The following TEX36 variants were observed in gnomAD, a reference collection of about 807,000 sequenced individuals.
TEX36 encodes the protein testis expressed 36.
A neutral mutation model predicts 13.6 loss-of-function variants in TEX36; 12 were observed. That is an observed-to-expected ratio of 0.88 (90% CI 0.56 to 1.43). TEX36 has a LOEUF of 1.43. TEX36 is among the 40% of genes most tolerant of loss of function. The pLI is 0.00. For missense variants in TEX36, 224 were observed against 228.3 expected (o/e 0.98, Z 0.12); for synonymous variants, 93 against 83.0 (o/e 1.12, Z -0.65).
At chr10:125,676,064 G>A (rs1847305899) in intron 1 of TEX36, among the ~76,000 whole-genome samples, 1 of 152,158 alleles carries the variant, frequency 6.6e-6, no homozygotes, top group African/African-American at 2.4e-5. Flanking sequence ...TGTTCCATAG[G>A]CTGATGAAAA....
chr10:125,590,734 G>C (rs1323299596), intron 3 of TEX36, among the ~76,000 whole-genome samples: 1 of 152,138 alleles, frequency 6.6e-6, no homozygotes, highest in Admixed American at 6.6e-5. Flanking sequence ...GCTATAATGA[G>C]AATAATATTG....
At chr10:125,656,515 C>T (rs2133590866) in intron 3 of TEX36, among the ~76,000 whole-genome samples, 1 of 152,132 alleles carries the variant, frequency 6.6e-6, no homozygotes, top group African/African-American at 2.4e-5. Context: ...GCCTCAGCCT[C>T]CCAAAGCGCT....
intron 1 of TEX36, among the ~76,000 whole-genome samples, chr10:125,679,605 T>A (rs1847364621): frequency 6.6e-6 from 1 of 152,156 alleles, no homozygotes; most frequent in Non-Finnish European, 1.5e-5. Flanking sequence ...ACTTACTCAC[T>A]TACCCTTTCC....
intron 3 of TEX36, among the ~76,000 whole-genome samples, chr10:125,637,639 C>T (rs1454116219): frequency 6.6e-6 from 1 of 152,042 alleles, no homozygotes; most frequent in African/African-American, 2.4e-5. Context: ...CTGGCTGACC[C>T]TAGAATCACT....
At chr10:125,640,442 C>A (rs1166868825) in intron 3 of TEX36, among the ~76,000 whole-genome samples, 1 of 152,086 alleles carries the variant, frequency 6.6e-6, no homozygotes, top group Non-Finnish European at 1.5e-5. Context: ...TTATTCATTC[C>A]ATTTATTCAG....
At chr10:125,587,923 T>C (rs539758719) in intron 3 of TEX36, among the ~76,000 whole-genome samples, 1 of 152,326 alleles carries the variant, frequency 6.6e-6, no homozygotes, top group African/African-American at 2.4e-5. Context: ...TTTTGCAATG[T>C]ATCTTGGAGA....
intron 1 of TEX36, among the ~76,000 whole-genome samples, chr10:125,680,034 T>C (rs1279110091): frequency 6.6e-6 from 1 of 152,264 alleles, no homozygotes; most frequent in African/African-American, 2.4e-5. Context: ...CACCTTGCTT[T>C]CCTCTCTTAA....
At chr10:125,603,509 A>C (rs1011341169) in intron 3 of TEX36, among the ~76,000 whole-genome samples, 1 of 152,048 alleles carries the variant, frequency 6.6e-6, no homozygotes. Context: ...GAACTTGTTG[A>C]CGAACCTTAT....
rs185050780 is a variant in TEX36, at chr10:125,603,492, C to T, written c.265-26618G>A. ...AGTGCTTCTCTTCTCTAACCCAGCC[C>T]CCAGGAGAACTTGTTGACGAACCTT... On this transcript the variant is annotated intron_variant, in intron 3 of 3. Transcript: ENST00000532135. 1.4e-3 allele frequency among the ~76,000 whole-genome samples: 216 copies of T among 152,228 alleles called. 3 individuals carry two copies. The highest frequency in any genetic ancestry group is 0.011 in the Admixed American group (166 of 15,286).
At chr10:125,607,936 A>C (rs528185521) in intron 3 of TEX36, among the ~76,000 whole-genome samples, 1 of 152,324 alleles carries the variant, frequency 6.6e-6, no homozygotes, top group South Asian at 2.1e-4. Context: ...TCGAGTCTCC[A>C]GAGCCAGCAG....
At chr10:125,603,712 A>C (rs942537553) in intron 3 of TEX36, among the ~76,000 whole-genome samples, 9 of 152,184 alleles carry the variant, frequency 5.9e-5, no homozygotes, top group Non-Finnish European at 1.3e-4. Context: ...TCAAAAGGAC[A>C]ACGTATCCAC....
intron 3 of TEX36, among the ~76,000 whole-genome samples, chr10:125,608,938 C>T (rs1223125065): frequency 7.2e-6 from 1 of 139,704 alleles, no homozygotes; most frequent in Non-Finnish European, 1.5e-5. Context: ...AGTTTGAGAC[C>T]AGCCTGGCCA....
At position 125,678,787 on chromosome 10, in the gene TEX36, G is replaced by A. The variant is rs564155608; in HGVS notation, c.51+4152C>T. Among the ~76,000 whole-genome samples the A allele has an allele frequency of 3.3e-5, 5 of 152,242 alleles. No individual in the cohort carries two copies. In the South Asian group the frequency reaches 1.0e-3, roughly 32 times the overall value. ...GTTCCCTGGGAGGAGTGTACTCAAG[G>A]TGGTAGATGGGTTGGGCAAGCTCAA... On this transcript the variant is annotated intron_variant, in intron 1 of 3. Transcript: ENST00000368821.
downstream of TEX36, among the ~76,000 whole-genome samples, chr10:125,652,163 C>G (rs1218497276): frequency 6.6e-6 from 1 of 152,034 alleles, no homozygotes; most frequent in East Asian, 1.9e-4. Flanking sequence ...CATATGGAAC[C>G]AAAAAAGAGC....
At chr10:125,581,429 C>G (rs1192139998) in intron 3 of TEX36, among the ~76,000 whole-genome samples, 1 of 152,196 alleles carries the variant, frequency 6.6e-6, no homozygotes, top group Non-Finnish European at 1.5e-5. Flanking sequence ...ACTCGCCCCT[C>G]GGGCACATCC....
intron 3 of TEX36, among the ~76,000 whole-genome samples, chr10:125,646,793 T>A (rs1326416700): frequency 2.0e-5 from 3 of 151,444 alleles, no homozygotes; most frequent in Non-Finnish European, 2.9e-5. Context: ...GAAAAAAAAA[T>A]GGAAGTACCA....
rs113352414 is a variant in TEX36, at chr10:125,637,773, C to A, written c.265-16128G>T. 1.7e-4 allele frequency among the ~76,000 whole-genome samples: 26 copies of A among 152,210 alleles called. 1 individual carries two copies. The highest frequency in any genetic ancestry group is 9.2e-4 in the Admixed American group (14 of 15,298). ...CCAGGCAGCGGCCTCAAGAACCTTG[C>A]CCCCATCCATCTCATGGCACAGTCT... On this transcript the variant is annotated intron_variant, in intron 3 of 3. Coordinates refer to the TEX36 transcript ENST00000526819.
chr10:125,658,195 C>A (rs575172751), intron 3 of TEX36, among the ~76,000 whole-genome samples: 1 of 151,408 alleles, frequency 6.6e-6, no homozygotes. Flanking sequence ...AAAATGACTA[C>A]AAATTATGGA....
intron 3 of TEX36, among the ~76,000 whole-genome samples, chr10:125,637,827 C>A (rs1375433433): frequency 2.0e-5 from 3 of 152,062 alleles, no homozygotes; most frequent in Non-Finnish European, 2.9e-5. Context: ...GAACGATTTC[C>A]ACTTCGCATT....
Sources: gnomAD v4.1 joint callset for allele counts (sites outside exome capture counted in the v4.1 genomes callset) on GRCh38, gnomAD v4.1.1 for gene constraint, MANE v1.5 for transcripts, NCBI Gene and HGNC (gene_info 2026-07-23, HGNC 2026-07-21) for gene names.